Variants in RBFOX1 observed in about 807,000 individuals in gnomAD.
RBFOX1 encodes RNA binding protein fox-1 homolog 1.
RBFOX1 carries 8 observed loss-of-function variants against 57.7 expected under a neutral mutation model. The ratio of observed to expected loss-of-function variants is 0.14; its 90% CI spans 0.08 to 0.25. The LOEUF (loss-of-function observed/expected upper bound fraction) is 0.25, where lower values mean the gene tolerates loss of function less well. Among genes scored for constraint, RBFOX1 ranks in the 10% least tolerant of loss-of-function variants. The probability of loss-of-function intolerance (pLI) is 1.00; values close to 1 mark genes in which losing one functional copy is unlikely to be tolerated. For synonymous variants in RBFOX1, 326 were observed against 222.4 expected (o/e 1.47, Z -4.15); for missense variants, 611 against 548.5 (o/e 1.11, Z -1.14).
rs75357375 is a variant in RBFOX1 at position 6,511,565 on chromosome 16, G to A, written c.-63-143038G>A. ...ACTGGCATTGCTGAGAATAATTATT[G>A]TCAAATTGAGTCCATTGTGAATAGT... On this transcript the variant is annotated intron_variant, in intron 2 of 15. Coordinates refer to ENST00000550418, the MANE Select transcript of RBFOX1 (RefSeq NM_018723.4). 4.8e-3 allele frequency among the ~76,000 whole-genome samples: 727 copies of A among 152,272 alleles called. 20 individuals carry two copies. In the East Asian group the frequency reaches 0.093, roughly 20 times the overall value.
chr16:7,084,743 A>C (rs1000235609), intron 4 of RBFOX1, among the ~76,000 whole-genome samples: 3 of 152,256 alleles, frequency 2.0e-5, no homozygotes, highest in African/African-American at 7.2e-5. Context: ...CTCTCATTGC[A>C]GAAAATGAGC....
chr16:5,340,610 A>G lies in RBFOX1; in HGVS notation c.219+100505A>G, dbSNP rs553544077. On this transcript the variant is annotated intron_variant, in intron 1 of 2. Transcript: ENST00000585867. ...AGCTTAGTGTTTTGAGGATTTTAGGAAATGAACTGGCTTTTGCTGGTAGGA... is the reference window on the plus strand; with the variant it reads ...AGCTTAGTGTTTTGAGGATTTTAGGGAATGAACTGGCTTTTGCTGGTAGGA... 1.1e-4 allele frequency among the ~76,000 whole-genome samples: 16 copies of G among 152,302 alleles called. No homozygotes were observed. In the East Asian group the frequency reaches 2.1e-3, roughly 20 times the overall value.
At chr16:6,373,512 A>G (rs778407956) in intron 2 of RBFOX1, among the ~76,000 whole-genome samples, 1 of 151,554 alleles carries the variant, frequency 6.6e-6, no homozygotes, top group Non-Finnish European at 1.5e-5. Flanking sequence ...GTGGAAATGT[A>G]TAGTTGGATA....
intron 7 of RBFOX1, among the ~76,000 whole-genome samples, chr16:7,589,136 A>G (rs934975805): frequency 1.6e-4 from 24 of 152,198 alleles, no homozygotes; most frequent in African/African-American, 5.3e-4. Context: ...TGTTCACTCG[A>G]GCCTTCTGTA....
rs193101316 is a variant in RBFOX1, at chr16:6,424,342, C to G, written c.-64+107285C>G. Reference sequence around the variant, plus strand: ...GTCTGGCAACTTGGAGGACAAGTATCAAAGATAAATTGAGATTATGTCTCA... The same window carrying G: ...GTCTGGCAACTTGGAGGACAAGTATGAAAGATAAATTGAGATTATGTCTCA... On this transcript the variant is annotated intron_variant, in intron 2 of 15. Transcript: ENST00000550418. Among the ~76,000 whole-genome samples the G allele has an allele frequency of 9.1e-4, 138 of 152,270 alleles. 1 individual carries two copies. The highest frequency in any genetic ancestry group is 2.0e-3 in the Admixed American group (31 of 15,296).
chr16:6,100,272 C>T (rs1029482189), intron 1 of RBFOX1, among the ~76,000 whole-genome samples: 3 of 152,146 alleles, frequency 2.0e-5, no homozygotes, highest in South Asian at 2.1e-4. Flanking sequence ...ACGCCATTCT[C>T]CTGCCTCAGC....
chr16:6,693,633 C>T (rs929853993), intron 3 of RBFOX1, among the ~76,000 whole-genome samples: 1 of 151,046 alleles, frequency 6.6e-6, no homozygotes, highest in Admixed American at 6.6e-5. Context: ...TTTTTATTCA[C>T]TACCATCACC....
At chr16:6,571,188 G>T (rs1357034244) in intron 2 of RBFOX1, among the ~76,000 whole-genome samples, 2 of 152,156 alleles carry the variant, frequency 1.3e-5, no homozygotes, top group African/African-American at 2.4e-5. Flanking sequence ...AACAAAAGGG[G>T]TCTATTCCCA....
intron 10 of RBFOX1, among the ~76,000 whole-genome samples, chr16:7,608,070 C>A (rs377752771): frequency 3.3e-5 from 5 of 152,182 alleles, no homozygotes; most frequent in East Asian, 1.9e-4. Flanking sequence ...TTGAACAAGG[C>A]TGCATTGAAT....
At chr16:5,287,135 T>C (rs942924127) in intron 1 of RBFOX1, among the ~76,000 whole-genome samples, 10 of 152,264 alleles carry the variant, frequency 6.6e-5, no homozygotes, top group African/African-American at 2.2e-4. Context: ...TGAGACCCTG[T>C]CTCTGCAAAG....
chr16:5,392,659 C>G (rs1266220721), intron 1 of RBFOX1, among the ~76,000 whole-genome samples: 2 of 151,940 alleles, frequency 1.3e-5, no homozygotes, highest in African/African-American at 4.8e-5. Context: ...CTCCTATGTC[C>G]AAGGAGATTT....
Position 6,450,777 on chromosome 16 carries a change from A to ATACGTATACATATATATATG in RBFOX1, c.-64+133722_-64+133723insCGTATACATATATATATGTA, listed in dbSNP as rs1555480496. Among the ~76,000 whole-genome samples, 333 of 39,528 alleles carry ATACGTATACATATATATATG rather than the reference A, an allele frequency of 8.4e-3. 27 individuals carry two copies. The highest frequency in any genetic ancestry group is 0.016 in the Middle Eastern group (1 of 64). The allele number at this position is 39,528 out of a possible 152,430, so 25.9% of individuals were successfully genotyped here. On this transcript the variant is annotated intron_variant, in intron 2 of 15. Coordinates refer to ENST00000550418, the MANE Select transcript of RBFOX1 (RefSeq NM_018723.4). Reference sequence around the variant, plus strand: ...TACATATATATATGTGTATATATATATATATATATATACATATATATATGT... The same window carrying ATACGTATACATATATATATG: ...TACATATATATATGTGTATATATATATACGTATACATATATATATGTATATATATATACATATATATATGT...
intron 3 of RBFOX1, among the ~76,000 whole-genome samples, chr16:6,912,984 C>A (rs1489002276): frequency 6.6e-6 from 1 of 151,944 alleles, no homozygotes; most frequent in African/African-American, 2.4e-5. Context: ...TGGCTGTTAC[C>A]CAACACTGTG....
At chr16:7,099,028 C>G (rs1599458380) in intron 4 of RBFOX1, among the ~76,000 whole-genome samples, 1 of 152,128 alleles carries the variant, frequency 6.6e-6, no homozygotes, top group South Asian at 2.1e-4. Context: ...CAAACTCTCT[C>G]TTGTTAAATA....
intron 3 of RBFOX1, among the ~76,000 whole-genome samples, chr16:5,792,270 T>C (rs1206570368): frequency 6.6e-6 from 1 of 152,232 alleles, no homozygotes; most frequent in Non-Finnish European, 1.5e-5. Flanking sequence ...TCCAGCCCTC[T>C]GTAATCCCTT....
At chr16:7,496,661 A>G (rs2068737661) in intron 4 of RBFOX1, among the ~76,000 whole-genome samples, 1 of 149,942 alleles carries the variant, frequency 6.7e-6, no homozygotes, top group Non-Finnish European at 1.5e-5. Flanking sequence ...GAATGTATTT[A>G]CATTCCAACA....
At chr16:7,390,707 G>A (rs1391102740) in intron 4 of RBFOX1, among the ~76,000 whole-genome samples, 2 of 152,200 alleles carry the variant, frequency 1.3e-5, no homozygotes, top group East Asian at 1.9e-4. Context: ...TCTTTACAGA[G>A]GAATTAGTGG....
chr16:5,271,204 A>T (rs2062997095), intron 1 of RBFOX1, among the ~76,000 whole-genome samples: 1 of 152,046 alleles, frequency 6.6e-6, no homozygotes, highest in African/African-American at 2.4e-5. Context: ...GAAAAAAAAA[A>T]GTATCCAGGC....
intron 3 of RBFOX1, among the ~76,000 whole-genome samples, chr16:6,891,051 T>C (rs1311222807): frequency 6.6e-6 from 1 of 152,144 alleles, no homozygotes; most frequent in African/African-American, 2.4e-5. Flanking sequence ...TTCCCCTTCA[T>C]GTTCCCCGTC....
Sources: allele counts gnomAD v4.1 joint callset (sites outside exome capture counted in the v4.1 genomes callset), GRCh38; gene constraint gnomAD v4.1.1; transcripts MANE v1.5; gene names NCBI Gene and HGNC (gene_info 2026-07-23, HGNC 2026-07-21).